PARD3B: variants seen among roughly 807,000 people sequenced by gnomAD.
The protein encoded by PARD3B is par-3 family cell polarity regulator beta.
A neutral mutation model predicts 130.2 loss-of-function variants in PARD3B; 103 were observed. That is an observed-to-expected ratio of 0.79 (90% CI 0.67 to 0.93). The LOEUF is 0.93. Among genes scored for constraint, PARD3B ranks in the 40% least tolerant of loss-of-function variants. The pLI, the probability that PARD3B is intolerant of heterozygous loss-of-function variation, is 0.00. For synonymous variants in PARD3B, 583 were observed against 553.2 expected, an observed-to-expected ratio of 1.05 and a Z score of -0.76; for missense variants, 1,609 against 1,499.2, an observed-to-expected ratio of 1.07 and a Z score of -1.21.
intron 6 of PARD3B, among the ~76,000 whole-genome samples, chr2:205,114,475 AGGGGGGATTCCT>A (rs74700427): frequency 0.22 from 33,075 of 152,080 alleles, 3,992 homozygotes; most frequent in East Asian, 0.4. Context: ...ATCATTGAAA[AGGGGGGATTCCT>A]TAGTTTAGTT....
rs999643031 is a variant in PARD3B, at chr2:205,274,316, A to T, written c.2186-26214A>T. Among the ~76,000 whole-genome samples the T allele has an allele frequency of 6.6e-6, 1 of 152,032 alleles. No homozygotes were observed. The highest frequency in any genetic ancestry group is 2.4e-5 in the African/African-American group (1 of 41,408). On this transcript the variant is annotated intron_variant, in intron 16 of 22. Coordinates refer to ENST00000406610, the MANE Select transcript of PARD3B (RefSeq NM_001302769.2). The surrounding 1 kb of genome is among the most constrained non-coding windows in gnomAD (Gnocchi z 4.2). ...TATTAGGATATACTATATACTTGAA[A>T]CTTAGAAAATTTGCAAGAATAATCA... is the stretch of plus-strand genomic sequence containing the variant.
At chr2:205,488,936 A>G (rs1170757005) in intron 20 of PARD3B, among the ~76,000 whole-genome samples, 2 of 152,220 alleles carry the variant, frequency 1.3e-5, no homozygotes, top group East Asian at 1.9e-4. Context: ...AGCTATATCT[A>G]TATGAATTAT....
chr2:205,223,097 C>G (rs1197207641), intron 15 of PARD3B, among the ~76,000 whole-genome samples: 1 of 152,012 alleles, frequency 6.6e-6, no homozygotes, highest in Non-Finnish European at 1.5e-5. Flanking sequence ...GAAGGAGTAA[C>G]AGTGCAGCAT....
chr2:205,193,128 C>A, intron 14 of PARD3B, 77 bp from the exon 15 acceptor site: 2 of 1,021,508 alleles, frequency 2.0e-6, no homozygotes, highest in South Asian at 1.4e-5. Context: ...TGGCTGTGTT[C>A]AAAATGAGAA....
intron 2 of PARD3B, among the ~76,000 whole-genome samples, chr2:204,826,693 T>G (rs2043591438): frequency 6.6e-6 from 1 of 152,164 alleles, no homozygotes; most frequent in Non-Finnish European, 1.5e-5. Flanking sequence ...AAAAGTAGTA[T>G]CACATCTTTC....
At chr2:205,017,913 T>C (rs1575564831) in intron 3 of PARD3B, among the ~76,000 whole-genome samples, 1 of 152,176 alleles carries the variant, frequency 6.6e-6, no homozygotes, top group East Asian at 1.9e-4. Flanking sequence ...GCAGAGGTGA[T>C]GTTTAGGTGG....
intron 18 of PARD3B, among the ~76,000 whole-genome samples, chr2:205,353,831 C>T (rs985155997): frequency 1.3e-5 from 2 of 152,032 alleles, no homozygotes; most frequent in African/African-American, 4.8e-5. Flanking sequence ...TTATATTTTA[C>T]ATTTATAAAG....
At chr2:204,772,793 A>T (rs1410271059) in intron 2 of PARD3B, among the ~76,000 whole-genome samples, 1 of 152,166 alleles carries the variant, frequency 6.6e-6, no homozygotes, top group Non-Finnish European at 1.5e-5. Flanking sequence ...TGTATTTTGT[A>T]TGGTTTATAT....
intron 2 of PARD3B, among the ~76,000 whole-genome samples, chr2:204,762,014 G>A (rs994861492): frequency 2.7e-5 from 4 of 150,164 alleles, no homozygotes; most frequent in African/African-American, 9.8e-5. Context: ...TAAGGAAAAT[G>A]TCTCTTCTTG....
chr2:204,713,947 G>T (rs536903919), intron 2 of PARD3B, among the ~76,000 whole-genome samples: 1 of 152,194 alleles, frequency 6.6e-6, no homozygotes, highest in African/African-American at 2.4e-5. Context: ...TGAACTGCTG[G>T]TTTATTATTG....
chr2:204,635,925 C>T (rs931186403), intron 1 of PARD3B, among the ~76,000 whole-genome samples: 2 of 152,052 alleles, frequency 1.3e-5, no homozygotes, highest in Non-Finnish European at 2.9e-5. Context: ...GATTTGTTTA[C>T]TCTTGTAAGG....
intron 11 of PARD3B, among the ~76,000 whole-genome samples, chr2:205,166,347 T>C (rs1318630371): frequency 6.6e-6 from 1 of 152,232 alleles, no homozygotes; most frequent in Middle Eastern, 3.4e-3. Context: ...GTAAGTAGAC[T>C]TTGAAGAGGT....
In PARD3B at chr2:205,021,419, G is replaced by A. The variant is rs1412873926; in HGVS notation, c.395-26162G>A. On this transcript the variant is annotated intron_variant, in intron 3 of 22. Transcript: ENST00000406610. The surrounding 1 kb of genome is among the most constrained non-coding windows in gnomAD (Gnocchi z 4.5). ...TTCTGGGCATGCATTGGGACCACAGGTTATGGTGGCTCACATTTTAGGATT... is the reference window on the plus strand; with the variant it reads ...TTCTGGGCATGCATTGGGACCACAGATTATGGTGGCTCACATTTTAGGATT... Among the ~76,000 whole-genome samples the A allele has an allele frequency of 6.6e-6, 1 of 152,104 alleles. No homozygotes were observed. Among genetic ancestry groups the A allele is most frequent in the Non-Finnish European group, 1.5e-5 (1 of 68,022 alleles).
intron 18 of PARD3B, among the ~76,000 whole-genome samples, chr2:205,363,532 A>C (rs1037146326): frequency 2.6e-5 from 4 of 152,242 alleles, no homozygotes; most frequent in African/African-American, 9.6e-5. Flanking sequence ...CAAGTAAGAA[A>C]GCAAGGCAAA....
intron 2 of PARD3B, among the ~76,000 whole-genome samples, chr2:204,863,173 C>A (rs2045279179): frequency 6.6e-6 from 1 of 152,180 alleles, no homozygotes; most frequent in Non-Finnish European, 1.5e-5. Context: ...TGCCTCCTCT[C>A]CCACTGTGAT....
chr2:205,393,641 C>T lies in PARD3B; in HGVS notation c.2631-7372C>T, dbSNP rs557366057. 3.3e-5 allele frequency among the ~76,000 whole-genome samples: 5 copies of T among 152,274 alleles called. No individual in the cohort carries two copies. The East Asian group carries it at 9.6e-4, about 29-fold the overall frequency. On this transcript the variant is annotated intron_variant, in intron 18 of 22. Coordinates refer to ENST00000406610, the MANE Select transcript of PARD3B (RefSeq NM_001302769.2). ...TCCTTGCCTGACTTTTTAGTTCTCA[C>T]AGGACATTGCTCAGGATCACTTTTG...
At chr2:205,611,462 A>T (rs1211035270) in intron 22 of PARD3B, among the ~76,000 whole-genome samples, 1 of 152,222 alleles carries the variant, frequency 6.6e-6, no homozygotes, top group Non-Finnish European at 1.5e-5. Context: ...TGGCAAAAAG[A>T]AGAAATCCTT....
At chr2:205,615,141 G>A (rs1028694477) in intron 22 of PARD3B, among the ~76,000 whole-genome samples, 3 of 152,218 alleles carry the variant, frequency 2.0e-5, no homozygotes, top group Non-Finnish European at 4.4e-5. Context: ...CAATGTGAAT[G>A]GAAGCAATCC....
At chr2:204,937,626 G>A (rs186910648) in intron 2 of PARD3B, among the ~76,000 whole-genome samples, 1 of 152,236 alleles carries the variant, frequency 6.6e-6, no homozygotes, top group East Asian at 1.9e-4. Flanking sequence ...TCCTGACTAT[G>A]TATTACTGAT....
Sources: allele counts gnomAD v4.1 joint callset (sites outside exome capture counted in the v4.1 genomes callset), GRCh38; gene constraint gnomAD v4.1.1; non-coding constraint Gnocchi (gnomAD v3.1); transcripts MANE v1.5; gene names NCBI Gene and HGNC (gene_info 2026-07-23, HGNC 2026-07-21).